ZNF112: variants seen among roughly 807,000 people sequenced by gnomAD.
ZNF112 encodes zinc finger protein 112.
Under a neutral mutation model 77.7 loss-of-function variants are expected in ZNF112, and 37 were observed. The observed-to-expected ratio is 0.48, with a 90% confidence interval of 0.37 to 0.63. The LOEUF is 0.63. ZNF112 is among the 20% of genes least tolerant of loss of function. The pLI is 0.00. For missense variants in ZNF112, 950 were observed against 1,077.4 expected, an observed-to-expected ratio of 0.88 and a Z score of 1.66; for synonymous variants, 333 against 363.6, an observed-to-expected ratio of 0.92 and a Z score of 0.96.
chr19:44,334,171 G>C (rs1175193955), intron 3 of ZNF112, among the ~76,000 whole-genome samples: 3 of 152,220 alleles, frequency 2.0e-5, no homozygotes, highest in Non-Finnish European at 4.4e-5. Context: ...CTTTAGCAAA[G>C]AGACTGGCAG....
In ZNF112 at chr19:44,340,196, T is replaced by C. The variant is rs116067108; in HGVS notation, c.124+220A>G. 4.3e-3 allele frequency among the ~76,000 whole-genome samples: 653 copies of C among 152,288 alleles called. 5 individuals carry two copies. Among genetic ancestry groups the C allele is most frequent in the African/African-American group, 0.015 (613 of 41,550 alleles). ...TAACCTGGAACAACTTACTAAACTG[T>C]TTGATGGCAAATCAATGAAGCAGGA... On this transcript the variant is annotated intron_variant, in intron 2 of 3. Transcript: ENST00000354340.
intron 1 of ZNF112, chr19:44,343,240 G>A (rs756900706): frequency 8.7e-6 from 14 of 1,613,172 alleles, no homozygotes; most frequent in Non-Finnish European, 1.2e-5. Flanking sequence ...CGGCATAAAT[G>A]AAAACCAGCT....
chr19:44,326,654 A>C lies in ZNF112; in HGVS notation c.*779T>G, dbSNP rs1171178719. Reference sequence around the variant, plus strand: ...ACTCTGCCTTAATTCACAGGGCAGGAGTAGAAAATCAATTATGTAAAATAC... The same window carrying C: ...ACTCTGCCTTAATTCACAGGGCAGGCGTAGAAAATCAATTATGTAAAATAC... On this transcript the variant is annotated 3_prime_UTR_variant, in exon 4 of 4. Coordinates refer to ENST00000354340, the MANE Select transcript of ZNF112 (RefSeq NM_013380.4). 6.6e-6 allele frequency: 1 copy of C among 152,230 alleles called. No homozygotes were observed. The highest frequency in any genetic ancestry group is 1.5e-5 in the Non-Finnish European group (1 of 68,044). 9.4% of individuals were successfully genotyped at this position (152,230 alleles called of 1,614,324 possible).
intron 1 of ZNF112, among the ~76,000 whole-genome samples, chr19:44,342,680 G>C (rs1361729873): frequency 6.6e-6 from 1 of 152,018 alleles, no homozygotes; most frequent in African/African-American, 2.4e-5. Flanking sequence ...GCTCGGTGTG[G>C]TGGCAGGCAC....
In ZNF112 at chr19:44,327,304, T is replaced by A. The variant is rs1363005975; in HGVS notation, c.*129A>T. On this transcript the variant is annotated 3_prime_UTR_variant, in exon 4 of 4. Coordinates refer to ENST00000354340, the MANE Select transcript of ZNF112 (RefSeq NM_013380.4). ...TGAAACCCCTCTCATTAAATGTCTC[T>A]GTTGTGTGGTCTCCTGGCCATTATG... 1 of 716,626 alleles carries A rather than the reference T, an allele frequency of 1.4e-6. No homozygotes were observed. Among genetic ancestry groups the A allele is most frequent in the East Asian group, 2.7e-5 (1 of 36,866 alleles). The allele number at this position is 716,626 out of a possible 1,614,324, so 44.4% of individuals were successfully genotyped here. A position where few individuals can be genotyped will look rare whatever the true frequency, so the allele number is the denominator to read the frequency against.
At chr19:44,366,011 G>A (rs1052563960) in intron 1 of ZNF112, among the ~76,000 whole-genome samples, 3 of 152,110 alleles carry the variant, frequency 2.0e-5, no homozygotes, top group Non-Finnish European at 4.4e-5. Flanking sequence ...CAAAGAAACA[G>A]TCAGTTATGT....
At position 44,327,423 on chromosome 19, in the gene ZNF112, T is replaced by C; in HGVS notation, c.*10A>G. 1 of 1,567,168 alleles carries C rather than the reference T, an allele frequency of 6.4e-7. No homozygotes were observed. The highest frequency in any genetic ancestry group is 8.6e-7 in the Non-Finnish European group (1 of 1,157,640). ...AGTGACTGGAAAATTTCAGCTCCCATTTGAGGACTTCAAAACAAAACAGAA... is the reference window on the plus strand; with the variant it reads ...AGTGACTGGAAAATTTCAGCTCCCACTTGAGGACTTCAAAACAAAACAGAA... On this transcript the variant is annotated 3_prime_UTR_variant, in exon 4 of 4. Transcript: ENST00000354340.
At chr19:44,361,869 CA>C (rs149889240) in intron 1 of ZNF112, among the ~76,000 whole-genome samples, 8,253 of 151,928 alleles carry the variant, frequency 0.054, 292 homozygotes, top group South Asian at 0.1. Context: ...AGAAACTGGG[CA>C]GGGGAAAGGA....
chr19:44,328,900 A>T lies in ZNF112; in HGVS notation c.1257T>A (p.Ile419=). The T allele has an allele frequency of 6.2e-7, 1 of 1,613,976 alleles. No homozygotes were observed. ...GCTGAATGTCAAGATTTGAACTACA[A>T]ATGAAACTCTTTCCATACTCTATAT... The part of the protein sequence containing the change: ...YTDIEYGKSF[I]CSSNLDIQHR... The change falls in exon 4 of 4, where the codon ATT becomes ATA. Residue 419 remains isoleucine (I), a synonymous_variant. Transcript: ENST00000354340.
In ZNF112 at chr19:44,328,364, G is replaced by A; in HGVS notation, c.1793C>T (p.Thr598Ile). 6.2e-7 allele frequency: 1 copy of A among 1,613,872 alleles called. No homozygotes were observed. The highest frequency in any genetic ancestry group is 1.3e-5 in the African/African-American group (1 of 74,950). ...CTCACACTTGTATGGTTTTTCTCCA[G>A]TGTGAACTCTCTGATGGCCTTGAAG... ...SYLQGHQRVH[T>I]GEKPYKCEEC... Residue 598 changes from threonine (T) to isoleucine (I), a missense_variant, in exon 4 of 4, where the codon ACT (threonine) becomes ATT (isoleucine). Physicochemically the swap from Thr to Ile is moderately conservative, Grantham distance 89. Around this residue, in one of 3 missense-constraint regions of ZNF112, gnomAD observed 373 missense variants for 482.8 expected, o/e 0.77. Coordinates refer to ENST00000354340, the MANE Select transcript of ZNF112 (RefSeq NM_013380.4).
intron 1 of ZNF112, among the ~76,000 whole-genome samples, chr19:44,351,560 TC>T: frequency 6.6e-6 from 1 of 152,238 alleles, no homozygotes; most frequent in East Asian, 1.9e-4. Flanking sequence ...ACCTTGAACT[TC>T]AATTAAGTTG....
chr19:44,334,700 G>C (rs934447683), intron 3 of ZNF112, among the ~76,000 whole-genome samples: 1 of 152,258 alleles, frequency 6.6e-6, no homozygotes, highest in Admixed American at 6.5e-5. Context: ...TATAGCTCAG[G>C]CCATTGCTTC....
At position 44,336,631 on chromosome 19, in the gene ZNF112, C is replaced by A. The variant is rs1970371723; in HGVS notation, c.212G>T (p.Gly71Val). 4 of 1,613,508 alleles carry A rather than the reference C, an allele frequency of 2.5e-6. No homozygotes were observed. Among genetic ancestry groups the A allele is most frequent in the Non-Finnish European group, 2.5e-6 (3 of 1,179,552 alleles). The change falls in exon 3 of 4, where the codon GGA becomes GTA. Residue 71 changes from glycine to valine, a missense_variant. Around this residue, in one of 3 missense-constraint regions of ZNF112, gnomAD observed 560 missense variants for 557.3 expected, o/e 1.00. Transcript: ENST00000354340. Reference sequence around the variant, plus strand: ...TGCAGCACAGTTCTCACCTGAACATCCATCTCTTGGGGTTTCTGTCTCCAC... The same window carrying A: ...TGCAGCACAGTTCTCACCTGAACATACATCTCTTGGGGTTTCTGTCTCCAC... ...LMVETETPRD[G>V]CSGRKNQQKM...
intron 2 of ZNF112, 28 bp from the exon 3 acceptor site, chr19:44,336,746 T>G (rs1970375962): frequency 1.6e-5 from 25 of 1,595,532 alleles, no homozygotes; most frequent in Non-Finnish European, 2.1e-5. Context: ...ACAGCAAAAG[T>G]TTTTAAGTTT....
At position 44,328,196 on chromosome 19, in the gene ZNF112, G is replaced by A. The variant is rs1970170744; in HGVS notation, c.1961C>T (p.Thr654Ile). The A allele has an allele frequency of 1.2e-6, 2 of 1,613,960 alleles. No homozygotes were observed. The highest frequency in any genetic ancestry group is 1.3e-5 in the African/African-American group (1 of 74,902). ...FNLQIHQRVH[T>I]GEKPYKCEEC... Reference sequence around the variant, plus strand: ...TTCACATTTATAGGGTTTTTCTCCTGTGTGAACCCTCTGATGAATTTGAAG... The same window carrying A: ...TTCACATTTATAGGGTTTTTCTCCTATGTGAACCCTCTGATGAATTTGAAG... Residue 654 changes from threonine (T) to isoleucine (I), a missense_variant, in exon 4 of 4, where the codon ACA becomes ATA. Around this residue, in one of 3 missense-constraint regions of ZNF112, gnomAD observed 373 missense variants for 482.8 expected, o/e 0.77. Transcript: ENST00000354340.
chr19:44,330,532 T>C (rs891343479), intron 3 of ZNF112, among the ~76,000 whole-genome samples: 43 of 152,246 alleles, frequency 2.8e-4, no homozygotes, highest in African/African-American at 1.0e-3. Flanking sequence ...AGTCAGGAGT[T>C]TGAGACCAGC....
At position 44,333,777 on chromosome 19, in the gene ZNF112, T is replaced by C. The variant is rs529844562; in HGVS notation, c.220+2846A>G. 3.9e-5 allele frequency among the ~76,000 whole-genome samples: 6 copies of C among 152,326 alleles called. No homozygotes were observed. The South Asian group carries it at 1.2e-3, about 32-fold the overall frequency. On this transcript the variant is annotated intron_variant, in intron 3 of 3. Coordinates refer to ENST00000354340, the MANE Select transcript of ZNF112 (RefSeq NM_013380.4). ...AACCATGAGTCAATTAAACCTCTTTTCTTTATAAATTACCTGGTCTCAGGT... is the reference window on the plus strand; with the variant it reads ...AACCATGAGTCAATTAAACCTCTTTCCTTTATAAATTACCTGGTCTCAGGT...
chr19:44,334,701 C>A (rs988729422), intron 3 of ZNF112, among the ~76,000 whole-genome samples: 3 of 152,254 alleles, frequency 2.0e-5, no homozygotes, highest in African/African-American at 7.2e-5. Flanking sequence ...ATAGCTCAGG[C>A]CATTGCTTCA....
chr19:44,367,214 T>C (rs16978991), exon 1 of ZNF112: 46,364 of 449,776 alleles, frequency 0.1, 2,848 homozygotes, highest in Middle Eastern at 0.16. Context: ...ATGACCTCAC[T>C]TTCATGGAGC....
Sources: allele counts gnomAD v4.1 joint callset (sites outside exome capture counted in the v4.1 genomes callset), GRCh38; gene constraint gnomAD v4.1.1; regional missense constraint gnomAD v4.1.1; transcripts MANE v1.5; gene names NCBI Gene and HGNC (gene_info 2026-07-23, HGNC 2026-07-21).